CBX2: variants seen among roughly 807,000 people sequenced by gnomAD.
CBX2 encodes the protein chromobox protein homolog 2.
CBX2 carries 11 observed loss-of-function variants against 21.0 expected under a neutral mutation model. That is an observed-to-expected ratio of 0.52 (90% CI 0.33 to 0.87). CBX2 has a LOEUF of 0.87. Among genes scored for constraint, CBX2 ranks in the 40% least tolerant of loss-of-function variants. CBX2 has a pLI of 0.02. For missense variants in CBX2, 746 were observed against 724.3 expected, an observed-to-expected ratio of 1.03 and a Z score of -0.34; for synonymous variants, 364 against 304.6, an observed-to-expected ratio of 1.19 and a Z score of -2.03.
upstream of CBX2, among the ~76,000 whole-genome samples, chr17:79,777,538 G>C (rs1227580699): frequency 6.6e-6 from 1 of 152,194 alleles, no homozygotes; most frequent in Admixed American, 6.5e-5. Context: ...CTCGCCTTTG[G>C]GGGAAAAAGC....
In CBX2 at chr17:79,784,433, C is replaced by T. The variant is rs782687021; in HGVS notation, c.990C>T (p.Thr330=). 10 of 1,611,928 alleles carry T rather than the reference C, an allele frequency of 6.2e-6. No homozygotes were observed. The highest frequency in any genetic ancestry group is 1.7e-5 in the Admixed American group (1 of 59,870). ...KVGNTGGPPH[T]HGASRVPAGC... ...GGAACACAGGGGGCCCCCCGCACACCCATGGTGCCAGCAGGGTGCCTGCTG... is the reference window on the plus strand; with the variant it reads ...GGAACACAGGGGGCCCCCCGCACACTCATGGTGCCAGCAGGGTGCCTGCTG... The change falls in exon 5 of 5, where the codon ACC becomes ACT. Residue 330 remains threonine (T), a synonymous_variant. Coordinates refer to ENST00000310942, the MANE Select transcript of CBX2 (RefSeq NM_005189.3). This position sits in a 1 kb window ranked among gnomAD's most constrained non-coding sequence, Gnocchi z 5.9.
Position 79,785,993 on chromosome 17 carries a change from C to T in CBX2, c.*951C>T, listed in dbSNP as rs1268158278. ...CTAAAAAGCCCAGAGTTCAGTGTGTCCCAAGGAAAACCCAAAGTGGAGGTG... is the reference window on the plus strand; with the variant it reads ...CTAAAAAGCCCAGAGTTCAGTGTGTTCCAAGGAAAACCCAAAGTGGAGGTG... On this transcript the variant is annotated 3_prime_UTR_variant, in exon 5 of 5. Coordinates refer to ENST00000310942, the MANE Select transcript of CBX2 (RefSeq NM_005189.3). 6.6e-6 allele frequency: 1 copy of T among 152,464 alleles called. No homozygotes were observed. Among genetic ancestry groups the T allele is most frequent in the Non-Finnish European group, 1.5e-5 (1 of 68,222 alleles). The allele number at this position is 152,464 out of a possible 1,614,324, so 9.4% of individuals were successfully genotyped here. A position where few individuals can be genotyped will look rare whatever the true frequency, so the allele number is the denominator to read the frequency against.
chr17:79,786,840 G>T lies in CBX2; in HGVS notation c.*1798G>T, dbSNP rs1472161571. ...CCCAGTACCTCACCGTGCCAAATAG[G>T]AAGAGGTGGCCTTGGTGTAGCCAAA... On this transcript the variant is annotated 3_prime_UTR_variant, in exon 5 of 5. Coordinates refer to ENST00000310942, the MANE Select transcript of CBX2 (RefSeq NM_005189.3). The T allele has an allele frequency of 6.5e-6, 1 of 152,772 alleles. No homozygotes were observed. Among genetic ancestry groups the T allele is most frequent in the African/African-American group, 2.4e-5 (1 of 41,472 alleles). 9.5% of individuals were successfully genotyped at this position (152,772 alleles called of 1,614,324 possible). A position where few individuals can be genotyped will look rare whatever the true frequency, so the allele number is the denominator to read the frequency against.
Position 79,783,833 on chromosome 17 carries a change from T to C in CBX2, c.390T>C (p.Ala130=). The C allele has an allele frequency of 6.2e-7, 1 of 1,610,596 alleles. No homozygotes were observed. The part of the protein sequence containing the change: ...SDEEDDSDLD[A]KRGPRGRETH... The stretch of plus-strand genomic sequence containing the variant: ...AAGAGGATGACAGTGACTTAGATGC[T>C]AAGAGGGGTCCCCGGGGCCGCGAGA... Residue 130 remains alanine, a synonymous_variant, in exon 5 of 5, where the codon GCT becomes GCC. Transcript: ENST00000310942.
chr17:79,782,366 C>G, intron 4 of CBX2: 3 of 1,438,520 alleles, frequency 2.1e-6, no homozygotes, highest in South Asian at 1.4e-5. Flanking sequence ...CACCCCTCCT[C>G]GCTACAGTGA....
chr17:79,783,673 G>A (rs1907400848), intron 4 of CBX2, 59 bp from the exon 5 acceptor site: 2 of 1,458,700 alleles, frequency 1.4e-6, no homozygotes, highest in Admixed American at 2.0e-5. Flanking sequence ...GCCTCCCAAA[G>A]TGCTGGGATT....
At position 79,785,069 on chromosome 17, in the gene CBX2, C is replaced by T. The variant is rs782291489; in HGVS notation, c.*27C>T. 3 of 1,563,334 alleles carry T rather than the reference C, an allele frequency of 1.9e-6. No individual in the cohort carries two copies. The highest frequency in any genetic ancestry group is 1.1e-5 in the South Asian group (1 of 90,364). The stretch of plus-strand genomic sequence containing the variant: ...GCCCCGGCGCCACCAGCTGCGCGGT[C>T]TTACTCCCCTTCCCTGCCTATGGTG... On this transcript the variant is annotated 3_prime_UTR_variant, in exon 5 of 5. Coordinates refer to ENST00000310942, the MANE Select transcript of CBX2 (RefSeq NM_005189.3).
At chr17:79,782,399 T>C in intron 4 of CBX2, 7 of 1,374,438 alleles carry the variant, frequency 5.1e-6, no homozygotes, top group South Asian at 3.0e-5. Flanking sequence ...GCCACAGGTA[T>C]GCATGCGCCC....
At position 79,784,849 on chromosome 17, in the gene CBX2, C is replaced by G; in HGVS notation, c.1406C>G (p.Ser469Cys). The part of the protein sequence containing the change: ...SAGEESSSSD[S>C]DPDSASPPST... Reference sequence around the variant, plus strand: ...GGTGAGGAGAGTAGCAGCTCGGACTCCGACCCCGACTCCGCCTCGCCGCCC... The same window carrying G: ...GGTGAGGAGAGTAGCAGCTCGGACTGCGACCCCGACTCCGCCTCGCCGCCC... The change falls in exon 5 of 5, where the codon TCC (serine) becomes TGC (cysteine). Residue 469 changes from serine (S) to cysteine (C), a missense_variant. By Grantham distance (112) the Ser-to-Cys change is moderately radical. Coordinates refer to ENST00000310942, the MANE Select transcript of CBX2 (RefSeq NM_005189.3). The surrounding 1 kb of genome is among the most constrained non-coding windows in gnomAD (Gnocchi z 5.9). The G allele has an allele frequency of 6.2e-7, 1 of 1,612,900 alleles. No homozygotes were observed. Among genetic ancestry groups the G allele is most frequent in the South Asian group, 1.1e-5 (1 of 91,036 alleles).
intron 3 of CBX2, 111 bp from the exon 4 acceptor site, chr17:79,781,585 G>T (rs1907203058): frequency 2.2e-6 from 2 of 924,680 alleles, no homozygotes; most frequent in Non-Finnish European, 1.8e-6. Context: ...CGGCAAACAG[G>T]ATAAGCTATT....
rs1196666749 is a variant in CBX2 at position 79,784,316 on chromosome 17, G to A, written c.873G>A (p.Lys291=). The stretch of plus-strand genomic sequence containing the variant: ...AGTGCGGCCTCGGGCTGGACCTGAA[G>A]GTGAGGACGCAGAAAGGGGAGCTGG... ...TNKCGLGLDL[K]VRTQKGELGM... is the part of the protein sequence containing the mutation. Residue 291 remains lysine (K), a synonymous_variant, in exon 5 of 5, where the codon AAG becomes AAA. Coordinates refer to ENST00000310942, the MANE Select transcript of CBX2 (RefSeq NM_005189.3). The surrounding 1 kb of genome is among the most constrained non-coding windows in gnomAD (Gnocchi z 5.9). 6 of 1,613,258 alleles carry A rather than the reference G, an allele frequency of 3.7e-6. No individual in the cohort carries two copies. Among genetic ancestry groups the A allele is most frequent in the African/African-American group, 1.3e-5 (1 of 75,068 alleles).
chr17:79,784,799 G>T lies in CBX2; in HGVS notation c.1356G>T (p.Ala452=). 6.2e-7 allele frequency: 1 copy of T among 1,610,880 alleles called. No individual in the cohort carries two copies. The highest frequency in any genetic ancestry group is 1.1e-5 in the South Asian group (1 of 90,786). Residue 452 remains alanine, a synonymous_variant, in exon 5 of 5, where the codon GCG becomes GCT. Transcript: ENST00000310942. This position sits in a 1 kb window ranked among gnomAD's most constrained non-coding sequence, Gnocchi z 5.9. Reference sequence around the variant, plus strand: ...CAGCCCCCGGAGAAGCCCGCAAGGCGGCCACACTGCCAGAGATGAGCGCAG... The same window carrying T: ...CAGCCCCCGGAGAAGCCCGCAAGGCTGCCACACTGCCAGAGATGAGCGCAG... ...SRTAPGEARK[A]ATLPEMSAGE... is the part of the protein sequence containing the mutation.
At chr17:79,779,308 A>T in intron 2 of CBX2, 54 bp from the exon 3 acceptor site, 1 of 1,581,804 alleles carries the variant, frequency 6.3e-7, no homozygotes, top group African/African-American at 1.3e-5. Context: ...GCTGCCTTGC[A>T]AAGCGGTGAT....
At position 79,784,217 on chromosome 17, in the gene CBX2, C is replaced by T. The variant is rs782534977; in HGVS notation, c.774C>T (p.His258=). The T allele has an allele frequency of 1.2e-6, 2 of 1,612,964 alleles. No individual in the cohort carries two copies. Among genetic ancestry groups the T allele is most frequent in the South Asian group, 1.1e-5 (1 of 91,086 alleles). The change falls in exon 5 of 5, where the codon CAC becomes CAT. Residue 258 remains histidine, a synonymous_variant. Coordinates refer to ENST00000310942, the MANE Select transcript of CBX2 (RefSeq NM_005189.3). This position sits in a 1 kb window ranked among gnomAD's most constrained non-coding sequence, Gnocchi z 5.9. The part of the protein sequence containing the change: ...GGISWQSSIV[H]YMNRMTQSQA... ...TCAGCTGGCAGAGCTCCATCGTGCA[C>T]TACATGAACCGGATGACCCAGAGCC...
chr17:79,778,177 C>T lies in CBX2; in HGVS notation c.-59C>T. The T allele has an allele frequency of 2.0e-6, 2 of 1,021,668 alleles. No individual in the cohort carries two copies. The highest frequency in any genetic ancestry group is 1.2e-6 in the Non-Finnish European group (1 of 812,756). The allele number at this position is 1,021,668 out of a possible 1,614,324, so 63.3% of individuals were successfully genotyped here. On this transcript the variant is annotated 5_prime_UTR_variant, in exon 1 of 5. Transcript: ENST00000310942. This position sits in a 1 kb window ranked among gnomAD's most constrained non-coding sequence, Gnocchi z 4.8. The stretch of plus-strand genomic sequence containing the variant: ...CTTTGTGTGCTGCCGGCGGGGCGCG[C>T]GGCGGTCCGGGCGGGTGACTGGCGG...
chr17:79,782,301 G>T, intron 4 of CBX2: 1 of 1,519,266 alleles, frequency 6.6e-7, no homozygotes. Context: ...CCTTGGAGGA[G>T]GGCAGAGGCA....
chr17:79,782,443 A>G, intron 4 of CBX2: 1 of 1,285,614 alleles, frequency 7.8e-7, no homozygotes, highest in Non-Finnish European at 1.0e-6. Flanking sequence ...CCCTCCCCTG[A>G]GGACAGGTGA....
rs1381236147 is a variant in CBX2, at chr17:79,778,455, C to T, written c.116+28C>T. On this transcript the variant is annotated intron_variant, in intron 2 of 4. Coordinates refer to ENST00000310942, the MANE Select transcript of CBX2 (RefSeq NM_005189.3). This position sits in a 1 kb window ranked among gnomAD's most constrained non-coding sequence, Gnocchi z 4.8. ...GAGTCCCCCGCGACGCCGCGCCCCCCTCCCGCCCCCTCGCCCGGGGGTGGG... is the reference window on the plus strand; with the variant it reads ...GAGTCCCCCGCGACGCCGCGCCCCCTTCCCGCCCCCTCGCCCGGGGGTGGG... 4.1e-6 allele frequency: 6 copies of T among 1,450,012 alleles called. No homozygotes were observed. The highest frequency in any genetic ancestry group is 2.8e-5 in the East Asian group (1 of 36,180). The allele number at this position is 1,450,012 out of a possible 1,614,324, so 89.8% of individuals were successfully genotyped here.
In CBX2 at chr17:79,783,028, C is replaced by T. The variant is rs373353281; in HGVS notation, c.289-704C>T. Among the ~76,000 whole-genome samples, 6 of 152,328 alleles carry T rather than the reference C, an allele frequency of 3.9e-5. No individual in the cohort carries two copies. The East Asian group carries it at 5.8e-4, about 15-fold the overall frequency. On this transcript the variant is annotated intron_variant, in intron 4 of 4. Coordinates refer to ENST00000310942, the MANE Select transcript of CBX2 (RefSeq NM_005189.3). ...GTAGGCTGCAAAGCTGTGCATGCTA[C>T]TTAATACGACTTGTAACCTCCTGAG...
Sources: allele counts gnomAD v4.1 joint callset (sites outside exome capture counted in the v4.1 genomes callset), GRCh38; gene constraint gnomAD v4.1.1; non-coding constraint Gnocchi (gnomAD v3.1); transcripts MANE v1.5; gene names NCBI Gene and HGNC (gene_info 2026-07-23, HGNC 2026-07-21).